VWA2: variants seen among roughly 807,000 people sequenced by gnomAD.
VWA2 encodes von Willebrand factor A domain containing 2.
Under a neutral mutation model 70.4 loss-of-function variants are expected in VWA2, and 73 were observed. The ratio of observed to expected loss-of-function variants is 1.04; its 90% confidence interval spans 0.86 to 1.26. VWA2 has a LOEUF of 1.26. VWA2 is among the 50% of genes most tolerant of loss of function. The pLI, the probability that VWA2 is intolerant of heterozygous loss-of-function variation, is 0.00. For synonymous variants in VWA2, 407 were observed against 423.3 expected (o/e 0.96, Z 0.47); for missense variants, 1,011 against 998.5 (o/e 1.01, Z -0.17).
rs767058747 is a variant in VWA2, at chr10:114,287,843, T to C, written c.1571-1095T>C. 1.4e-4 allele frequency among the ~76,000 whole-genome samples: 21 copies of C among 152,362 alleles called. 1 individual carries two copies. The highest frequency in any genetic ancestry group is 1.3e-3 in the East Asian group (7 of 5,190). On this transcript the variant is annotated intron_variant, in intron 11 of 13. Transcript: ENST00000392982. Reference sequence around the variant, plus strand: ...TAATGAACCAGTATTGATACATCATTATTTAGTGAATCCATGCTTATTTAT... The same window carrying C: ...TAATGAACCAGTATTGATACATCATCATTTAGTGAATCCATGCTTATTTAT...
intron 6 of VWA2, among the ~76,000 whole-genome samples, chr10:114,275,341 C>T (rs2037810946): frequency 6.6e-6 from 1 of 152,196 alleles, no homozygotes; most frequent in Non-Finnish European, 1.5e-5. Flanking sequence ...CTCATTTTGT[C>T]TTCTCAAATA....
rs573068418 is a variant in VWA2, at chr10:114,255,296, C to T, written c.261+248C>T. 2.0e-5 allele frequency among the ~76,000 whole-genome samples: 3 copies of T among 151,240 alleles called. No individual in the cohort carries two copies. The East Asian group carries it at 5.8e-4, about 29-fold the overall frequency. ...TTGACTTCCTTCTCAGGCAGGTTTT[C>T]CTGACACAGCCAAGTTGTCCTGCAT... On this transcript the variant is annotated intron_variant, in intron 4 of 13. Coordinates refer to ENST00000392982, the MANE Select transcript of VWA2 (RefSeq NM_001272046.2).
intron 1 of VWA2, among the ~76,000 whole-genome samples, chr10:114,247,454 T>C (rs2037095732): frequency 6.6e-6 from 1 of 152,160 alleles, no homozygotes; most frequent in African/African-American, 2.4e-5. Flanking sequence ...CCCACCACCA[T>C]GTCTGGCTAA....
In VWA2 at chr10:114,294,295, AATAC is replaced by A. The variant is rs1264564320; in HGVS notation, c.*3062_*3065del. 6.6e-6 allele frequency among the ~76,000 whole-genome samples: 1 copy of A among 152,192 alleles called. No homozygotes were observed. The highest frequency in any genetic ancestry group is 2.4e-5 in the African/African-American group (1 of 41,450). On this transcript the variant is annotated 3_prime_UTR_variant, in exon 14 of 14. Coordinates refer to ENST00000392982, the MANE Select transcript of VWA2 (RefSeq NM_001272046.2). ...GAGCTATACTAACCTTATAATGGAA[AATAC>A]ATATTTCTCAAACTTTTACACTGAT...
At chr10:114,252,373 C>A (rs1323548051) in intron 2 of VWA2, among the ~76,000 whole-genome samples, 1 of 151,994 alleles carries the variant, frequency 6.6e-6, no homozygotes, top group Admixed American at 6.6e-5. Flanking sequence ...ATTAGGTGAG[C>A]AGGAGCTGTC....
chr10:114,242,255 C>T (rs2036985889), intron 1 of VWA2, among the ~76,000 whole-genome samples: 2 of 152,136 alleles, frequency 1.3e-5, no homozygotes, highest in South Asian at 2.1e-4. Context: ...GGGGTCCTGG[C>T]GACAACCTTT....
intron 1 of VWA2, among the ~76,000 whole-genome samples, chr10:114,248,372 G>GCCCA (rs2037119551): frequency 6.6e-6 from 1 of 152,148 alleles, no homozygotes; most frequent in South Asian, 2.1e-4. Flanking sequence ...GCTAGTCAGG[G>GCCCA]CCCAGGCAGA....
Position 114,248,741 on chromosome 10 carries a change from G to A in VWA2, c.28G>A (p.Val10Ile), listed in dbSNP as rs150675262. 128 of 1,613,528 alleles carry A rather than the reference G, an allele frequency of 7.9e-5. No homozygotes were observed. The highest frequency in any genetic ancestry group is 3.2e-4 in the South Asian group (29 of 91,074). The change falls in exon 2 of 14, where the codon GTC becomes ATC. Residue 10 changes from valine (V) to isoleucine (I), a missense_variant. Transcript: ENST00000392982. Reference sequence around the variant, plus strand: ...GCCCCCTTTCCTGTTGCTGGAAGCCGTCTGTGTTTTCCTGTTTTCCAGAGG... The same window carrying A: ...GCCCCCTTTCCTGTTGCTGGAAGCCATCTGTGTTTTCCTGTTTTCCAGAGG... MPPFLLLEA[V>I]CVFLFSRVPP...
intron 8 of VWA2, 40 bp from the exon 9 acceptor site, chr10:114,282,476 A>AC: frequency 6.4e-7 from 1 of 1,562,032 alleles, no homozygotes; most frequent in Non-Finnish European, 8.8e-7. Context: ...CTCCCCTTAC[A>AC]CCTCTGATCT....
intron 6 of VWA2, among the ~76,000 whole-genome samples, chr10:114,274,260 T>C (rs1321866488): frequency 6.6e-6 from 1 of 152,182 alleles, no homozygotes; most frequent in African/African-American, 2.4e-5. Flanking sequence ...GTGAGTAGGA[T>C]GACAGACAGC....
chr10:114,259,473 T>G (rs561294372), intron 4 of VWA2, among the ~76,000 whole-genome samples: 3 of 144,166 alleles, frequency 2.1e-5, no homozygotes, highest in Middle Eastern at 3.6e-3. Flanking sequence ...ACAGAAGTTG[T>G]TTTTTTTTTT....
chr10:114,248,524 T>C (rs1205958308), intron 1 of VWA2, among the ~76,000 whole-genome samples, 180 bp from the exon 2 acceptor site: 1 of 152,100 alleles, frequency 6.6e-6, no homozygotes, highest in Non-Finnish European at 1.5e-5. Flanking sequence ...ACCAAAGTAA[T>C]TGGAGTAAAG....
Position 114,246,505 on chromosome 10 carries a change from C to CAAAA in VWA2, c.-10-2182_-10-2179dup, listed in dbSNP as rs570510812. On this transcript the variant is annotated intron_variant, in intron 1 of 13. Coordinates refer to ENST00000392982, the MANE Select transcript of VWA2 (RefSeq NM_001272046.2). The stretch of plus-strand genomic sequence containing the variant: ...AACAAGAGTGAAAGAAACTCCATCT[C>CAAAA]AAAAAAAAAAAAAAAAAAAACGAGT... 3.1e-3 allele frequency: 1,192 copies of CAAAA among 383,966 alleles called. 2 individuals are homozygous for CAAAA. The highest frequency in any genetic ancestry group is 8.7e-3 in the African/African-American group (188 of 21,596). The allele number at this position is 383,966 out of a possible 1,614,324, so 23.8% of individuals were successfully genotyped here.
intron 8 of VWA2, among the ~76,000 whole-genome samples, chr10:114,279,352 C>G (rs951130987): frequency 3.3e-5 from 5 of 151,984 alleles, no homozygotes; most frequent in Non-Finnish European, 7.4e-5. Context: ...ACTCCCCACA[C>G]TGTTCCTGGG....
chr10:114,248,250 A>G (rs1442067019), intron 1 of VWA2, among the ~76,000 whole-genome samples: 1 of 152,198 alleles, frequency 6.6e-6, no homozygotes, highest in African/African-American at 2.4e-5. Flanking sequence ...CCACATTAGA[A>G]GGTTTCAGAA....
At position 114,278,038 on chromosome 10, in the gene VWA2, G is replaced by A. The variant is rs200329465; in HGVS notation, c.691G>A (p.Ala231Thr). The A allele has an allele frequency of 5.0e-5, 81 of 1,611,160 alleles. No homozygotes were observed. Among genetic ancestry groups the A allele is most frequent in the Admixed American group, 4.7e-4 (28 of 59,978 alleles). ...CAGCAGCTCGGCCATCTGCTCCAGCGCCACGCCAGGTAAGATCTTCCAGCC... is the reference window on the plus strand; with the variant it reads ...CAGCAGCTCGGCCATCTGCTCCAGCACCACGCCAGGTAAGATCTTCCAGCC... ...TLSSSAICSSATPDCRVEAHP... is the reference protein window; with the variant it reads ...TLSSSAICSSTTPDCRVEAHP... Residue 231 changes from alanine (A) to threonine (T), a missense_variant, in exon 7 of 14, where the codon GCC becomes ACC. By Grantham distance (58) the Ala-to-Thr change is moderately conservative. Transcript: ENST00000392982.
intron 5 of VWA2, among the ~76,000 whole-genome samples, chr10:114,271,295 A>C (rs1428413496): frequency 3.3e-5 from 5 of 152,208 alleles, no homozygotes; most frequent in Admixed American, 3.3e-4. Flanking sequence ...TAATTCTAGG[A>C]GTTGTCAGCT....
intron 12 of VWA2, chr10:114,289,714 T>C (rs927149292): frequency 3.1e-5 from 18 of 581,662 alleles, no homozygotes; most frequent in Non-Finnish European, 5.5e-5. Flanking sequence ...CATAGATAAC[T>C]CCCCCCAAAC....
chr10:114,292,391 A>G lies in VWA2; in HGVS notation c.*1154A>G, dbSNP rs2039684472. On this transcript the variant is annotated 3_prime_UTR_variant, in exon 14 of 14. Coordinates refer to ENST00000392982, the MANE Select transcript of VWA2 (RefSeq NM_001272046.2). The stretch of plus-strand genomic sequence containing the variant: ...GTAAGATTCTTAAACTCAAAAATAT[A>G]GGATAAAGAAACTTACAGAGATTTT... Among the ~76,000 whole-genome samples the G allele has an allele frequency of 6.6e-6, 1 of 152,106 alleles. No homozygotes were observed. The highest frequency in any genetic ancestry group is 2.4e-5 in the African/African-American group (1 of 41,398).
Sources: gnomAD v4.1 joint callset for allele counts (sites outside exome capture counted in the v4.1 genomes callset) on GRCh38, gnomAD v4.1.1 for gene constraint, MANE v1.5 for transcripts, NCBI Gene and HGNC (gene_info 2026-07-23, HGNC 2026-07-21) for gene names.